Variants in MYO7A observed in about 807,000 individuals in gnomAD.
The protein encoded by MYO7A is unconventional myosin-VIIa.
MYO7A carries 210 observed loss-of-function variants against 263.8 expected under a neutral mutation model. That is an observed-to-expected ratio of 0.80 (90% CI 0.71 to 0.89). MYO7A has a LOEUF of 0.89. MYO7A is among the 40% of genes least tolerant of loss of function. The pLI is 0.00. For missense variants in MYO7A, 2,820 were observed against 2,968.3 expected (o/e 0.95, Z 1.16); for synonymous variants, 1,239 against 1,197.3 (o/e 1.03, Z -0.72).
chr11:77,211,855 A>G lies in MYO7A; in HGVS notation c.6272A>G (p.Lys2091Arg), dbSNP rs781713344. The change falls in exon 46 of 49, where the codon AAG becomes AGG. Residue 2091 changes from lysine (K) to arginine (R), a missense_variant. Coordinates refer to ENST00000409709, the MANE Select transcript of MYO7A (RefSeq NM_000260.4). ...GCCTACTTCAACAAGCACGCAGGGAAGTCCAAGGAGGAGGCCAAGCTGGCC... is the reference window on the plus strand; with the variant it reads ...GCCTACTTCAACAAGCACGCAGGGAGGTCCAAGGAGGAGGCCAAGCTGGCC... ...IVAYFNKHAG[K>R]SKEEAKLAFL... is the part of the protein sequence containing the mutation. 7.9e-5 allele frequency: 128 copies of G among 1,613,868 alleles called. 1 individual carries two copies. In the Admixed American group the frequency reaches 2.1e-3, roughly 26 times the overall value.
chr11:77,164,220 A>T (rs1224926614), intron 14 of MYO7A, among the ~76,000 whole-genome samples: 1 of 152,096 alleles, frequency 6.6e-6, no homozygotes, highest in African/African-American at 2.4e-5. Context: ...GGTTTGTCAA[A>T]AGACTGCAGA....
intron 15 of MYO7A, 88 bp downstream of exon 15, chr11:77,166,250 C>T: frequency 8.7e-7 from 1 of 1,144,920 alleles, no homozygotes; most frequent in Non-Finnish European, 1.3e-6. Flanking sequence ...ACAGCTTCAG[C>T]TGAGCCCCCT....
chr11:77,214,648 G>C lies in MYO7A; in HGVS notation c.6600G>C (p.Gln2200His), dbSNP rs779431269. 87 of 1,587,126 alleles carry C rather than the reference G, an allele frequency of 5.5e-5. No individual in the cohort carries two copies. The highest frequency in any genetic ancestry group is 7.2e-5 in the Non-Finnish European group (84 of 1,167,996). Residue 2200 changes from glutamine to histidine, a missense_variant, in exon 49 of 49, where the codon CAG (glutamine) becomes CAC (histidine). Physicochemically the swap from Gln to His is conservative, Grantham distance 24 (BLOSUM62 0). Coordinates refer to ENST00000409709, the MANE Select transcript of MYO7A (RefSeq NM_000260.4). ...MDDLLTSYIS[Q>H]MLTAMSKQRG... ...ACCTCCTGACTTCCTACATTAGCCA[G>C]ATGCTCACAGCCATGAGCAAACAGC...
At chr11:77,178,190 T>A (rs376134053) in intron 19 of MYO7A, among the ~76,000 whole-genome samples, 1 of 2,158 alleles carries the variant, frequency 4.6e-4, no homozygotes, top group African/African-American at 1.6e-3. Flanking sequence ...CCCACCCACC[T>A]ACCCATCCAT....
Position 77,214,723 on chromosome 11 carries a change from T to C in MYO7A, c.*27T>C, listed in dbSNP as rs1236150220. 3 of 1,522,348 alleles carry C rather than the reference T, an allele frequency of 2.0e-6. No homozygotes were observed. Among genetic ancestry groups the C allele is most frequent in the African/African-American group, 1.4e-5 (1 of 72,322 alleles). The allele number at this position is 1,522,348 out of a possible 1,614,324, so 94.3% of individuals were successfully genotyped here. A position where few individuals can be genotyped will look rare whatever the true frequency, so the allele number is the denominator to read the frequency against. On this transcript the variant is annotated 3_prime_UTR_variant, in exon 49 of 49. Transcript: ENST00000409709. ...CAGTCACGGGGAGGTGCTGGTTCCA[T>C]GCCTGCTCTCGAGGCAGCAGTGGGT...
At chr11:77,199,918 G>C (rs2135683015) in intron 35 of MYO7A, 100 bp downstream of exon 35, 2 of 1,210,198 alleles carry the variant, frequency 1.7e-6, no homozygotes, top group South Asian at 3.6e-5. Flanking sequence ...ACTGGAGGCT[G>C]GGAGATTTAT....
chr11:77,181,244 C>T, intron 22 of MYO7A, 136 bp from the exon 23 acceptor site: 1 of 745,192 alleles, frequency 1.3e-6, no homozygotes, highest in Admixed American at 2.9e-5. Flanking sequence ...AAGTCAGAGG[C>T]TCCATTCTTC....
intron 27 of MYO7A, among the ~76,000 whole-genome samples, chr11:77,186,258 A>G (rs1955638826): frequency 6.6e-6 from 1 of 152,178 alleles, no homozygotes; most frequent in Non-Finnish European, 1.5e-5. Flanking sequence ...AATTTTTGGA[A>G]TGGTCACTGA....
In MYO7A at chr11:77,201,362, G is replaced by A. The variant is rs528183531; in HGVS notation, c.4853-86G>A. 4.4e-6 allele frequency: 6 copies of A among 1,367,350 alleles called. No individual in the cohort carries two copies. In the East Asian group the frequency reaches 1.0e-4, roughly 23 times the overall value. 84.7% of individuals were successfully genotyped at this position (1,367,350 alleles called of 1,614,324 possible). On this transcript the variant is annotated intron_variant, in intron 35 of 48. Transcript: ENST00000409709. The stretch of plus-strand genomic sequence containing the variant: ...CAGAGTGGCAAGTGGGCAGACATGA[G>A]TGATAACACCTCAGTTCTTCTGTGG...
chr11:77,180,457 G>C lies in MYO7A; in HGVS notation c.2670G>C (p.Lys890Asn), dbSNP rs782644623. The change falls in exon 22 of 49, where the codon AAG becomes AAC. Residue 890 changes from lysine (K) to asparagine (N), a missense_variant. By Grantham distance (94) the Lys-to-Asn change is moderately conservative. Transcript: ENST00000409709. ...LRKEMSAKKA[K>N]EEAERKHQER... Reference sequence around the variant, plus strand: ...AGGAGATGAGCGCCAAGAAGGCCAAGGAGGAGGCCGAGCGCAAGCATCAGG... The same window carrying C: ...AGGAGATGAGCGCCAAGAAGGCCAACGAGGAGGCCGAGCGCAAGCATCAGG... 3.1e-6 allele frequency: 5 copies of C among 1,612,318 alleles called. No homozygotes were observed. The Admixed American group carries it at 6.7e-5, about 22-fold the overall frequency.
intron 30 of MYO7A, chr11:77,191,074 C>G: frequency 1.9e-6 from 1 of 524,728 alleles, no homozygotes; most frequent in Non-Finnish European, 3.2e-6. Flanking sequence ...GTAATCCCAG[C>G]ACTTTGGGAG....
At position 77,214,687 on chromosome 11, in the gene MYO7A, C is replaced by T. The variant is rs1172478438; in HGVS notation, c.6639C>T (p.Ser2213=). 5.7e-6 allele frequency: 9 copies of T among 1,576,962 alleles called. No individual in the cohort carries two copies. Among genetic ancestry groups the T allele is most frequent in the East Asian group, 4.7e-5 (2 of 42,956 alleles). The change falls in exon 49 of 49, where the codon AGC becomes AGT. Residue 2213 remains serine (S), a synonymous_variant. Coordinates refer to ENST00000409709, the MANE Select transcript of MYO7A (RefSeq NM_000260.4). ...TAMSKQRGSR[S]GK is the part of the protein sequence containing the mutation. ...TGAGCAAACAGCGGGGCTCCAGGAG[C>T]GGCAAGTGAACAGTCACGGGGAGGT...
At position 77,189,343 on chromosome 11, in the gene MYO7A, G is replaced by C. The variant is rs1555090171; in HGVS notation, c.3504-1G>C. 8 of 1,613,086 alleles carry C rather than the reference G, an allele frequency of 5.0e-6. No homozygotes were observed. Among genetic ancestry groups the C allele is most frequent in the African/African-American group, 1.3e-5 (1 of 74,906 alleles). Reference sequence around the variant, plus strand: ...CCTCCCTTGCCCTGCTGCCTGCCCAGGGACGAGATCTACTGCCAGATCAGC... The same window carrying C: ...CCTCCCTTGCCCTGCTGCCTGCCCACGGACGAGATCTACTGCCAGATCAGC... On this transcript the variant is annotated splice_acceptor_variant, in intron 27 of 48. Transcript: ENST00000409709. LOFTEE classifies it high-confidence loss of function.
rs1008702442 is a variant in MYO7A at position 77,205,400 on chromosome 11, G to A, written c.5481-62G>A. 4.6e-6 allele frequency: 7 copies of A among 1,521,784 alleles called. No individual in the cohort carries two copies. In the Admixed American group the frequency reaches 8.0e-5, roughly 17 times the overall value. 94.3% of individuals were successfully genotyped at this position (1,521,784 alleles called of 1,614,324 possible). A position where few individuals can be genotyped will look rare whatever the true frequency, so the allele number is the denominator to read the frequency against. On this transcript the variant is annotated intron_variant, in intron 39 of 48. Coordinates refer to ENST00000409709, the MANE Select transcript of MYO7A (RefSeq NM_000260.4). ...GTACATGGCCCCCTCACCCGGGGGT[G>A]CACAGGTCCTGTGACTCCCGATGGC...
At chr11:77,196,513 A>G (rs1956676202) in intron 32 of MYO7A, among the ~76,000 whole-genome samples, 1 of 152,192 alleles carries the variant, frequency 6.6e-6, no homozygotes, top group African/African-American at 2.4e-5. Flanking sequence ...CTTATTTTGA[A>G]ATAATTTCAA....
At chr11:77,195,708 C>G (rs1018612438) in intron 32 of MYO7A, among the ~76,000 whole-genome samples, 2 of 152,226 alleles carry the variant, frequency 1.3e-5, no homozygotes, top group Non-Finnish European at 2.9e-5. Flanking sequence ...GTGTCTGTCC[C>G]AGAGCCCTGG....
At chr11:77,207,505 AGGGCAC>A in intron 42 of MYO7A, 103 bp downstream of exon 42, 1 of 878,992 alleles carries the variant, frequency 1.1e-6, no homozygotes, top group South Asian at 1.5e-5. Flanking sequence ...AGAGGGGAAG[AGGGCAC>A]TGGCATCTGG....
chr11:77,135,083 C>T (rs1313941420), intron 2 of MYO7A, among the ~76,000 whole-genome samples: 1 of 152,184 alleles, frequency 6.6e-6, no homozygotes, highest in African/African-American at 2.4e-5. Flanking sequence ...CATGGCTGGC[C>T]CCATTTAACC....
At chr11:77,175,309 A>T in intron 17 of MYO7A, 63 bp from the exon 18 acceptor site, 1 of 1,466,190 alleles carries the variant, frequency 6.8e-7, no homozygotes, top group Non-Finnish European at 9.5e-7. Context: ...CCTCGGGGAC[A>T]CTCCGGAGGC....
Sources: allele counts gnomAD v4.1 joint callset (sites outside exome capture counted in the v4.1 genomes callset), GRCh38; gene constraint gnomAD v4.1.1; transcripts MANE v1.5; gene names NCBI Gene and HGNC (gene_info 2026-07-23, HGNC 2026-07-21).